FNBP1: variants seen among roughly 807,000 people sequenced by gnomAD.
The protein encoded by FNBP1 is formin-binding protein 1.
FNBP1 carries 26 observed loss-of-function variants against 90.6 expected under a neutral mutation model. The ratio of observed to expected loss-of-function variants is 0.29; its 90% CI spans 0.21 to 0.40. The LOEUF (loss-of-function observed/expected upper bound fraction) is 0.40, where lower values mean the gene tolerates loss of function less well. Ranked by LOEUF, FNBP1 falls within the 10% of genes least tolerant of loss-of-function variation. The probability of loss-of-function intolerance (pLI) is 1.00; values close to 1 mark genes in which losing one functional copy is unlikely to be tolerated. For missense variants in FNBP1, 635 were observed against 768.0 expected, an observed-to-expected ratio of 0.83 and a Z score of 2.05; for synonymous variants, 260 against 265.2, an observed-to-expected ratio of 0.98 and a Z score of 0.19.
intron 2 of FNBP1, among the ~76,000 whole-genome samples, chr9:129,985,187 A>G (rs1379512973): frequency 2.6e-5 from 4 of 152,070 alleles, no homozygotes; most frequent in Admixed American, 6.6e-5. Context: ...GGAAAGACCA[A>G]TGGTACCAGA....
chr9:129,963,696 C>A (rs540488801), intron 4 of FNBP1, among the ~76,000 whole-genome samples: 1 of 149,254 alleles, frequency 6.7e-6, no homozygotes, highest in Non-Finnish European at 1.5e-5. Flanking sequence ...CTCACTGCAA[C>A]TTCCGCCTCC....
At chr9:130,038,702 A>C (rs2059568799) in intron 1 of FNBP1, among the ~76,000 whole-genome samples, 1 of 152,112 alleles carries the variant, frequency 6.6e-6, no homozygotes, top group Non-Finnish European at 1.5e-5. Context: ...CCCAGCCCAC[A>C]TGTGGCTTCT....
rs1343158113 is a variant in FNBP1 at position 129,903,068 on chromosome 9, T to G, written c.1296-67A>C. On this transcript the variant is annotated intron_variant, in intron 12 of 16. Coordinates refer to ENST00000446176, the MANE Select transcript of FNBP1 (RefSeq NM_015033.3). ...TTTTTTTTTTAGACAGTTTCACTCTTGTCACCCAGGCTGGAGTGCAATGGT... is the reference window on the plus strand; with the variant it reads ...TTTTTTTTTTAGACAGTTTCACTCTGGTCACCCAGGCTGGAGTGCAATGGT... 6.1e-6 allele frequency: 9 copies of G among 1,471,436 alleles called. No homozygotes were observed. The South Asian group carries it at 1.1e-4, about 18-fold the overall frequency. The allele number at this position is 1,471,436 out of a possible 1,614,324, so 91.1% of individuals were successfully genotyped here. A position where few individuals can be genotyped will look rare whatever the true frequency, so the allele number is the denominator to read the frequency against.
At chr9:129,963,770 A>G (rs1374310114) in intron 4 of FNBP1, among the ~76,000 whole-genome samples, 1 of 151,842 alleles carries the variant, frequency 6.6e-6, no homozygotes, top group Non-Finnish European at 1.5e-5. Flanking sequence ...ATGCGCCACC[A>G]CGCCCGGCTA....
chr9:129,931,522 C>A (rs139110984), intron 6 of FNBP1, among the ~76,000 whole-genome samples: 1 of 151,980 alleles, frequency 6.6e-6, no homozygotes, highest in Non-Finnish European at 1.5e-5. Flanking sequence ...ACGAGAATGG[C>A]GTGAACCCGG....
intron 1 of FNBP1, among the ~76,000 whole-genome samples, chr9:130,006,814 T>C (rs1446897962): frequency 5.3e-5 from 8 of 152,310 alleles, no homozygotes; most frequent in South Asian, 2.1e-4. Context: ...TGGCTCTTTG[T>C]AGTTGCATTC....
intron 1 of FNBP1, among the ~76,000 whole-genome samples, chr9:130,027,822 T>C (rs917163633): frequency 2.0e-5 from 3 of 152,154 alleles, no homozygotes; most frequent in African/African-American, 7.2e-5. Context: ...TCTCTATGTG[T>C]GCTGTTTGGG....
At chr9:129,983,533 C>T (rs1001023875) in intron 2 of FNBP1, among the ~76,000 whole-genome samples, 7 of 152,040 alleles carry the variant, frequency 4.6e-5, no homozygotes, top group East Asian at 1.9e-4. Context: ...AAAATGAACA[C>T]GGTTCGTTCA....
rs867213509 is a variant in FNBP1 at position 129,890,248 on chromosome 9, G to A, written c.*291C>T. The A allele has an allele frequency of 1.4e-5, 7 of 507,148 alleles. No individual in the cohort carries two copies. In the Middle Eastern group the frequency reaches 2.0e-3, roughly 148 times the overall value. The allele number at this position is 507,148 out of a possible 1,614,324, so 31.4% of individuals were successfully genotyped here. On this transcript the variant is annotated 3_prime_UTR_variant, in exon 17 of 17. Transcript: ENST00000446176. This position sits in a 1 kb window ranked among gnomAD's most constrained non-coding sequence, Gnocchi z 5.8. ...AGGGCCCAGGAAGGAGCAGGTAGGG[G>A]CGTGTGTCCCACCGTCTCAGTGGCC...
Position 129,900,589 on chromosome 9 carries a change from TGA to T in FNBP1, c.1429-44_1429-43del. 6.8e-7 allele frequency: 1 copy of T among 1,465,610 alleles called. No individual in the cohort carries two copies. The highest frequency in any genetic ancestry group is 9.0e-7 in the Non-Finnish European group (1 of 1,110,786). The allele number at this position is 1,465,610 out of a possible 1,614,324, so 90.8% of individuals were successfully genotyped here. A position where few individuals can be genotyped will look rare whatever the true frequency, so the allele number is the denominator to read the frequency against. ...TGAGAGACTCCAACCTAAGGCCATC[TGA>T]GGGTCAGCCCAGAGTGTCCTAAGGT... On this transcript the variant is annotated intron_variant, in intron 13 of 16. Coordinates refer to ENST00000446176, the MANE Select transcript of FNBP1 (RefSeq NM_015033.3). This position sits in a 1 kb window ranked among gnomAD's most constrained non-coding sequence, Gnocchi z 4.1.
At chr9:129,943,992 C>CAA (rs397936316) in intron 6 of FNBP1, among the ~76,000 whole-genome samples, 1 of 59,920 alleles carries the variant, frequency 1.7e-5, no homozygotes, top group African/African-American at 7.1e-5. Context: ...GACTCCATCT[C>CAA]AAAAAAAAAA....
intron 6 of FNBP1, among the ~76,000 whole-genome samples, chr9:129,931,389 A>G (rs1356499953): frequency 6.6e-6 from 1 of 151,904 alleles, no homozygotes; most frequent in Non-Finnish European, 1.5e-5. Flanking sequence ...AGATCACAAG[A>G]TCAGGAGATC....
intron 1 of FNBP1, among the ~76,000 whole-genome samples, chr9:130,023,366 A>G (rs2058034486): frequency 6.6e-6 from 1 of 152,164 alleles, no homozygotes; most frequent in Non-Finnish European, 1.5e-5. Context: ...GAACCCTCAG[A>G]GCTCACTGGC....
intron 6 of FNBP1, among the ~76,000 whole-genome samples, chr9:129,943,384 CTTTTTTT>C (rs11415197): frequency 2.9e-5 from 3 of 102,664 alleles, no homozygotes; most frequent in East Asian, 6.2e-4. Context: ...TCATTAATTG[CTTTTTTT>C]TTTTTTTTTT....
At chr9:129,915,464 A>G (rs1478862579) in intron 11 of FNBP1, among the ~76,000 whole-genome samples, 1 of 152,122 alleles carries the variant, frequency 6.6e-6, no homozygotes, top group Non-Finnish European at 1.5e-5. Flanking sequence ...TCCCGGGTTC[A>G]AGCAGTTCTC....
intron 6 of FNBP1, among the ~76,000 whole-genome samples, chr9:129,938,910 C>T (rs1436204775): frequency 2.0e-5 from 3 of 152,064 alleles, no homozygotes; most frequent in Non-Finnish European, 4.4e-5. Context: ...GCCCCCCTTT[C>T]CCCCCTGGTT....
chr9:129,990,867 G>C (rs932288348), intron 2 of FNBP1, among the ~76,000 whole-genome samples: 3 of 151,890 alleles, frequency 2.0e-5, no homozygotes, highest in Non-Finnish European at 2.9e-5. Context: ...ATTTCCTGAT[G>C]GCTTGAGCTG....
intron 2 of FNBP1, among the ~76,000 whole-genome samples, chr9:129,989,072 C>T (rs553289828): frequency 2.4e-4 from 37 of 152,298 alleles, no homozygotes; most frequent in African/African-American, 8.9e-4. Flanking sequence ...TGCACTCTCT[C>T]CCCCCACATC....
In FNBP1 at chr9:129,939,246, G is replaced by T. The variant is rs532147564; in HGVS notation, c.514-9551C>A. Among the ~76,000 whole-genome samples the T allele has an allele frequency of 8.8e-4, 134 of 152,026 alleles. 1 individual carries two copies. Among genetic ancestry groups the T allele is most frequent in the Non-Finnish European group, 2.4e-4 (16 of 67,988 alleles). The stretch of plus-strand genomic sequence containing the variant: ...TCTACTAAAAATACAAAAATCAGCC[G>T]GGCATGGTGGCATGTGCCTGTAATC... On this transcript the variant is annotated intron_variant, in intron 6 of 16. Transcript: ENST00000446176.
Sources: gnomAD v4.1 joint callset for allele counts (sites outside exome capture counted in the v4.1 genomes callset) on GRCh38, gnomAD v4.1.1 for gene constraint, Gnocchi (gnomAD v3.1) non-coding constraint, MANE v1.5 for transcripts, NCBI Gene and HGNC (gene_info 2026-07-23, HGNC 2026-07-21) for gene names.